AFAP1: variants seen among roughly 807,000 people sequenced by gnomAD.
The protein encoded by AFAP1 is actin filament associated protein 1.
A neutral mutation model predicts 93.9 loss-of-function variants in AFAP1; 75 were observed. The observed-to-expected ratio is 0.80, with a 90% CI of 0.66 to 0.97. The LOEUF is 0.97. AFAP1 is among the 50% of genes least tolerant of loss of function. The pLI, the probability that AFAP1 is intolerant of heterozygous loss-of-function variation, is 0.00. For synonymous variants in AFAP1, 517 were observed against 430.7 expected (o/e 1.20, Z -2.48); for missense variants, 1,201 against 1,050.8 (o/e 1.14, Z -1.98).
chr4:7,787,860 C>T (rs1364956622), intron 11 of AFAP1, among the ~76,000 whole-genome samples: 2 of 152,180 alleles, frequency 1.3e-5, no homozygotes, highest in South Asian at 2.1e-4. Context: ...CTCCTGGGTG[C>T]CCCGGCACTC....
chr4:7,918,027 C>T (rs1372548064), intron 1 of AFAP1, among the ~76,000 whole-genome samples: 2 of 152,236 alleles, frequency 1.3e-5, no homozygotes, highest in Admixed American at 1.3e-4. Flanking sequence ...AAAGCCAGGT[C>T]TCCTGATGCC....
rs140231029 is a variant in AFAP1 at position 7,811,396 on chromosome 4, C to T, written c.905-1633G>A. Among the ~76,000 whole-genome samples, 188 of 151,840 alleles carry T rather than the reference C, an allele frequency of 1.2e-3. 1 individual carries two copies. The East Asian group carries it at 0.024, about 20-fold the overall frequency. ...GCGGCCAGGGACACAAGACGACGCG[C>T]CCTGGCCTAACTCCTAAACCCTTCC... On this transcript the variant is annotated intron_variant, in intron 8 of 17. Coordinates refer to ENST00000420658, the MANE Select transcript of AFAP1 (RefSeq NM_001134647.2).
intron 10 of AFAP1, among the ~76,000 whole-genome samples, chr4:7,800,199 G>C (rs1718890109): frequency 6.6e-6 from 1 of 152,214 alleles, no homozygotes; most frequent in Non-Finnish European, 1.5e-5. Flanking sequence ...AATCTGATGT[G>C]TACAAATGGG....
intron 1 of AFAP1, among the ~76,000 whole-genome samples, chr4:7,899,827 T>C (rs1179755017): frequency 2.1e-5 from 3 of 145,794 alleles, no homozygotes; most frequent in Admixed American, 2.0e-4. Context: ...CAAAGATTCA[T>C]ACTGGCCACC....
At position 7,939,505 on chromosome 4, in the gene AFAP1, G is replaced by C. The variant is rs140694812; in HGVS notation, c.-3+151C>G. On this transcript the variant is annotated intron_variant, in intron 1 of 17. Transcript: ENST00000420658. The surrounding 1 kb of genome is among the most constrained non-coding windows in gnomAD (Gnocchi z 5.6). ...CCGCGCGGGCCCACGCGGCGTCGCA[G>C]CAGGCGCGGAGCCCCCGGTACCACC... 7.3e-3 allele frequency: 2,413 copies of C among 329,896 alleles called. 55 individuals carry two copies. The highest frequency in any genetic ancestry group is 0.048 in the African/African-American group (2,074 of 43,520). 20.4% of individuals were successfully genotyped at this position (329,896 alleles called of 1,614,324 possible).
chr4:7,863,765 G>C (rs1258480369), intron 3 of AFAP1, among the ~76,000 whole-genome samples: 3 of 152,104 alleles, frequency 2.0e-5, no homozygotes, highest in African/African-American at 7.2e-5. Flanking sequence ...AAAAGTAAAA[G>C]ACAACCTTAT....
chr4:7,859,792 G>A (rs1379719897), intron 3 of AFAP1, among the ~76,000 whole-genome samples: 2 of 152,028 alleles, frequency 1.3e-5, no homozygotes, highest in Admixed American at 1.3e-4. Flanking sequence ...TTTAATTCTC[G>A]TCTTTTGGAA....
In AFAP1 at chr4:7,855,479, T is replaced by C. The variant is rs1186068685; in HGVS notation, c.321A>G (p.Glu107=). 6.2e-7 allele frequency: 1 copy of C among 1,609,544 alleles called. No individual in the cohort carries two copies. Among genetic ancestry groups the C allele is most frequent in the Non-Finnish European group, 8.5e-7 (1 of 1,176,988 alleles). ...CTGGCCACTCACTTGATGTGATGTA[T>C]TCCGGAGCTTTTCCGGGGCTCAGCG... ...AVPLSPGKAP[E]YITSNYDSDA... The change falls in exon 4 of 18, where the codon GAA becomes GAG. Residue 107 remains glutamate, a synonymous_variant. Coordinates refer to ENST00000420658, the MANE Select transcript of AFAP1 (RefSeq NM_001134647.2).
chr4:7,887,987 C>A (rs956926481), intron 1 of AFAP1, among the ~76,000 whole-genome samples: 1 of 152,106 alleles, frequency 6.6e-6, no homozygotes, highest in East Asian at 1.9e-4. Flanking sequence ...CCACCACGCC[C>A]GGCTAAGTTT....
At chr4:7,835,971 G>A (rs1368174276) in intron 6 of AFAP1, among the ~76,000 whole-genome samples, 1 of 152,156 alleles carries the variant, frequency 6.6e-6, no homozygotes, top group Admixed American at 6.5e-5. Flanking sequence ...GTGTGCGGGA[G>A]AGGCAAGGGA....
intron 1 of AFAP1, among the ~76,000 whole-genome samples, chr4:7,911,307 G>T (rs562221369): frequency 3.3e-5 from 5 of 152,174 alleles, no homozygotes; most frequent in Admixed American, 2.0e-4. Context: ...ACAGCCGGAG[G>T]GGGGAAGGGT....
rs146779600 is a variant in AFAP1 at position 7,831,445 on chromosome 4, C to T, written c.726+7079G>A. ...ATTAACTTCCGTTCATAAATGGAGT[C>T]ATCATTCTATAATTAGCTAAGTGCC... On this transcript the variant is annotated intron_variant, in intron 6 of 17. Transcript: ENST00000420658. Among the ~76,000 whole-genome samples, 75 of 151,082 alleles carry T rather than the reference C, an allele frequency of 5.0e-4. 2 individuals carry two copies. In the East Asian group the frequency reaches 0.013, roughly 27 times the overall value.
At chr4:7,870,520 T>C (rs188379627) in intron 2 of AFAP1, among the ~76,000 whole-genome samples, 79 of 152,230 alleles carry the variant, frequency 5.2e-4, no homozygotes, top group African/African-American at 1.8e-3. Flanking sequence ...CTGGGTGTTG[T>C]GGTGTGCACA....
chr4:7,789,780 G>C (rs111395832), intron 11 of AFAP1, among the ~76,000 whole-genome samples: 1 of 151,910 alleles, frequency 6.6e-6, no homozygotes, highest in Admixed American at 6.6e-5. Context: ...CCCATGCTCC[G>C]CACCAGCCCC....
At chr4:7,903,379 G>T in intron 1 of AFAP1, among the ~76,000 whole-genome samples, 1 of 152,308 alleles carries the variant, frequency 6.6e-6, no homozygotes, top group Middle Eastern at 3.4e-3. Flanking sequence ...TGACGCTAGC[G>T]TTACAAAGTG....
At chr4:7,906,886 C>T (rs559130880) in intron 1 of AFAP1, among the ~76,000 whole-genome samples, 2 of 151,960 alleles carry the variant, frequency 1.3e-5, no homozygotes, top group African/African-American at 4.8e-5. Context: ...CCTGTAATCC[C>T]AGCTATTCGG....
chr4:7,872,976 G>A (rs549640641), intron 1 of AFAP1, among the ~76,000 whole-genome samples: 67 of 145,648 alleles, frequency 4.6e-4, no homozygotes, highest in African/African-American at 1.5e-3. Context: ...TGGGCTGGGC[G>A]CGGTGGCTCA....
intron 10 of AFAP1, among the ~76,000 whole-genome samples, chr4:7,795,201 T>G (rs564071629): frequency 8.0e-4 from 122 of 152,224 alleles, no homozygotes; most frequent in African/African-American, 2.8e-3. Flanking sequence ...AGTGATATTT[T>G]CCATATAACA....
intron 9 of AFAP1, among the ~76,000 whole-genome samples, chr4:7,804,179 G>A (rs972020716): frequency 1.3e-5 from 2 of 152,140 alleles, no homozygotes; most frequent in Non-Finnish European, 2.9e-5. Context: ...GAAAGGTTAC[G>A]CTGGAGCAAC....
Sources: gnomAD v4.1 joint callset for allele counts (sites outside exome capture counted in the v4.1 genomes callset) on GRCh38, gnomAD v4.1.1 for gene constraint, Gnocchi (gnomAD v3.1) non-coding constraint, MANE v1.5 for transcripts, NCBI Gene and HGNC (gene_info 2026-07-23, HGNC 2026-07-21) for gene names.